LY6H: variants seen among roughly 807,000 people sequenced by gnomAD.
The protein encoded by LY6H is lymphocyte antigen 6H.
LY6H carries 8 observed loss-of-function variants against 14.6 expected under a neutral mutation model. The ratio of observed to expected loss-of-function variants is 0.55; its 90% CI spans 0.32 to 0.99. The LOEUF (loss-of-function observed/expected upper bound fraction) is 0.99, where lower values mean the gene tolerates loss of function less well. LY6H is among the 50% of genes least tolerant of loss of function. The probability of loss-of-function intolerance (pLI) is 0.04; values close to 1 mark genes in which losing one functional copy is unlikely to be tolerated. For synonymous variants in LY6H, 115 were observed against 97.2 expected (o/e 1.18, Z -1.08); for missense variants, 196 against 219.6 (o/e 0.89, Z 0.68).
At chr8:143,159,160 GCACA>G (rs375977892) in intron 2 of LY6H, 8 of 606,432 alleles carry the variant, frequency 1.3e-5, no homozygotes, top group South Asian at 5.7e-5. Context: ...GCACGTGCGT[GCACA>G]CACACACACA....
chr8:143,159,585 G>A lies in LY6H; in HGVS notation c.127C>T (p.Pro43Ser). The change falls in exon 2 of 4, where the codon CCC (proline) becomes TCC (serine). Residue 43 changes from proline to serine, a missense_variant. By Grantham distance (74) the Pro-to-Ser change is moderately conservative. Coordinates refer to ENST00000342752, the MANE Select transcript of LY6H (RefSeq NM_001135655.2). ...AGCCCGCGGGCCCCCTACTCACCGGGCGCCGAGCACAGCAGGACGGCCAGC... is the reference window on the plus strand; with the variant it reads ...AGCCCGCGGGCCCCCTACTCACCGGACGCCGAGCACAGCAGGACGGCCAGC... ...ALLAVLLCSA[P>S]AHGLWCQDCT... 6.7e-7 allele frequency: 1 copy of A among 1,501,442 alleles called. No individual in the cohort carries two copies. Among genetic ancestry groups the A allele is most frequent in the Non-Finnish European group, 8.8e-7 (1 of 1,133,136 alleles). 93.0% of individuals were successfully genotyped at this position (1,501,442 alleles called of 1,614,324 possible). A position where few individuals can be genotyped will look rare whatever the true frequency, so the allele number is the denominator to read the frequency against.
At chr8:143,159,072 G>C (rs944479194) in intron 2 of LY6H, 150 bp from the exon 3 acceptor site, 1 of 1,104,096 alleles carries the variant, frequency 9.1e-7, no homozygotes, top group African/African-American at 1.5e-5. Context: ...CCCTGGAGGG[G>C]GAGCAGAGGC....
rs774658932 is a variant in LY6H, at chr8:143,158,428, C to T, written c.308G>A (p.Arg103Gln). Residue 103 changes from arginine to glutamine, a missense_variant, in exon 4 of 4, where the codon CGA (arginine) becomes CAA (glutamine). Coordinates refer to ENST00000342752, the MANE Select transcript of LY6H (RefSeq NM_001135655.2). ...CATCAGATAGTCTGAGAAAAAGTGT[C>T]GCTTAACGAAGTCACAGGAGGAGGC... is the stretch of plus-strand genomic sequence containing the variant. Reference protein sequence around the residue: ...MCASSCDFVKRHFFSDYLMGF... With the variant: ...MCASSCDFVKQHFFSDYLMGF... The T allele has an allele frequency of 3.7e-6, 6 of 1,614,028 alleles. No homozygotes were observed. Among genetic ancestry groups the T allele is most frequent in the Non-Finnish European group, 5.1e-6 (6 of 1,179,996 alleles).
chr8:143,158,698 C>T (rs552297678), intron 3 of LY6H, 105 bp downstream of exon 3: 19 of 1,438,732 alleles, frequency 1.3e-5, no homozygotes, highest in East Asian at 4.6e-5. Flanking sequence ...TGCCGCCCCA[C>T]GCTCTCACTC....
chr8:143,159,462 C>A lies in LY6H; in HGVS notation c.130+120G>T. 6 of 1,196,598 alleles carry A rather than the reference C, an allele frequency of 5.0e-6. No individual in the cohort carries two copies. In the South Asian group the frequency reaches 1.0e-4, roughly 21 times the overall value. The allele number at this position is 1,196,598 out of a possible 1,614,324, so 74.1% of individuals were successfully genotyped here. A position where few individuals can be genotyped will look rare whatever the true frequency, so the allele number is the denominator to read the frequency against. On this transcript the variant is annotated intron_variant, in intron 2 of 3. Coordinates refer to ENST00000342752, the MANE Select transcript of LY6H (RefSeq NM_001135655.2). ...GGGGTCGCAGGGGTCCCGGAGGGGG[C>A]GTGGGCTCTATGCGAAGTGCGGTGG...
upstream of LY6H, chr8:143,160,358 G>T (rs1815570857): frequency 2.5e-6 from 1 of 392,914 alleles, no homozygotes; most frequent in Non-Finnish European, 3.9e-6. Context: ...GAGCCGGGGC[G>T]GGGGCCGCGC....
intron 1 of LY6H, chr8:143,159,997 A>G: frequency 1.6e-6 from 2 of 1,227,286 alleles, no homozygotes; most frequent in South Asian, 8.2e-5. Context: ...GTGCGTCCGG[A>G]CAGGAATGAG....
intron 3 of LY6H, 64 bp from the exon 4 acceptor site, chr8:143,158,549 G>A (rs908404160): frequency 3.6e-5 from 53 of 1,452,544 alleles, no homozygotes; most frequent in Admixed American, 2.8e-4. Flanking sequence ...CTCATCCCGA[G>A]GACCCAGCCC....
At chr8:143,160,040 TGGGG>T in intron 1 of LY6H, 154 bp downstream of exon 1, 1 of 1,025,688 alleles carries the variant, frequency 9.7e-7, no homozygotes, top group Non-Finnish European at 1.2e-6. Context: ...GACCTGCCAC[TGGGG>T]GGAGGGGCGC....
chr8:143,159,939 T>G (rs1172190482), intron 1 of LY6H: 3 of 1,232,390 alleles, frequency 2.4e-6, no homozygotes, highest in Non-Finnish European at 1.0e-6. Context: ...CCGGCACCTG[T>G]GTGGGGGAGC....
In LY6H at chr8:143,157,958, T is replaced by C. The variant is rs1414226689; in HGVS notation, c.*292A>G. 4 of 436,584 alleles carry C rather than the reference T, an allele frequency of 9.2e-6. No homozygotes were observed. Among genetic ancestry groups the C allele is most frequent in the African/African-American group, 8.1e-5 (4 of 49,348 alleles). 27.0% of individuals were successfully genotyped at this position (436,584 alleles called of 1,614,324 possible). A position where few individuals can be genotyped will look rare whatever the true frequency, so the allele number is the denominator to read the frequency against. On this transcript the variant is annotated 3_prime_UTR_variant, in exon 4 of 4. Transcript: ENST00000342752. ...CTTTATTTCTCCGCAGAAGACGCCC[T>C]TCCAGCTGGGCTGTTGCTTCACTTC...
Position 143,157,990 on chromosome 8 carries a change from G to A in LY6H, c.*260C>T, listed in dbSNP as rs868091255. 5.8e-5 allele frequency: 27 copies of A among 462,550 alleles called. No homozygotes were observed. Among genetic ancestry groups the A allele is most frequent in the African/African-American group, 3.4e-4 (17 of 50,016 alleles). 28.7% of individuals were successfully genotyped at this position (462,550 alleles called of 1,614,324 possible). A position where few individuals can be genotyped will look rare whatever the true frequency, so the allele number is the denominator to read the frequency against. On this transcript the variant is annotated 3_prime_UTR_variant, in exon 4 of 4. Transcript: ENST00000342752. ...TGGGCTGTTGCTTCACTTCCCCTCC[G>A]GGACCTGGGGGTCCCCCCCCACCCT...
intron 2 of LY6H, 137 bp downstream of exon 2, chr8:143,159,445 A>C: frequency 9.7e-7 from 1 of 1,028,464 alleles, no homozygotes; most frequent in Non-Finnish European, 1.3e-6. Flanking sequence ...CTGGGGTCGC[A>C]GGGGTCCCGG....
At chr8:143,159,517 CGGCTCTCCCGCGGCGCCTCG>C in intron 2 of LY6H, 45 bp downstream of exon 2, 1 of 1,428,152 alleles carries the variant, frequency 7.0e-7, no homozygotes, top group Non-Finnish European at 9.1e-7. Context: ...GCCCCACACC[CGGCTCTCCCGCGGCGCCTCG>C]GGCTCTCCCA....
rs1815487620 is a variant in LY6H at position 143,157,980 on chromosome 8, C to T, written c.*270G>A. 1 of 466,440 alleles carries T rather than the reference C, an allele frequency of 2.1e-6. No homozygotes were observed. The highest frequency in any genetic ancestry group is 3.8e-5 in the Admixed American group (1 of 26,174). The allele number at this position is 466,440 out of a possible 1,614,324, so 28.9% of individuals were successfully genotyped here. On this transcript the variant is annotated 3_prime_UTR_variant, in exon 4 of 4. Coordinates refer to ENST00000342752, the MANE Select transcript of LY6H (RefSeq NM_001135655.2). ...CCCTTCCAGCTGGGCTGTTGCTTCA[C>T]TTCCCCTCCGGGACCTGGGGGTCCC...
intron 2 of LY6H, 91 bp downstream of exon 2, chr8:143,159,490 AC>A (rs1815539808): frequency 2.9e-6 from 4 of 1,360,128 alleles, no homozygotes; most frequent in Non-Finnish European, 3.8e-6. Flanking sequence ...TGCGGTGGGA[AC>A]CGTCAGAGGG....
At position 143,158,273 on chromosome 8, in the gene LY6H, C is replaced by A; in HGVS notation, c.463G>T (p.Ala155Ser). Reference protein sequence around the residue: ...AGGLLLSLGPALLWAGP With the variant: ...AGGLLLSLGPSLLWAGP ...CATCAGGGCCCAGCCCAGAGGAGGG[C>A]AGGCCCCAGGCTGAGCAGGAGCCCC... is the stretch of plus-strand genomic sequence containing the variant. Residue 155 changes from alanine (A) to serine (S), a missense_variant, in exon 4 of 4, where the codon GCC becomes TCC. Physicochemically the swap from Ala to Ser is moderately conservative, Grantham distance 99. Coordinates refer to ENST00000342752, the MANE Select transcript of LY6H (RefSeq NM_001135655.2). The A allele has an allele frequency of 1.2e-6, 2 of 1,612,526 alleles. No homozygotes were observed. Among genetic ancestry groups the A allele is most frequent in the Non-Finnish European group, 1.7e-6 (2 of 1,179,168 alleles).
intron 2 of LY6H, chr8:143,159,247 C>T (rs1000515074): frequency 5.4e-6 from 3 of 558,684 alleles, no homozygotes; most frequent in Non-Finnish European, 9.6e-6. Flanking sequence ...CTCACATATC[C>T]CCCCCAGAGG....
At chr8:143,160,331 G>GCCCCT, upstream of LY6H, 2 of 692,524 alleles carry the variant, frequency 2.9e-6, no homozygotes, top group Non-Finnish European at 4.0e-6. Context: ...CGCGGACCCC[G>GCCCCT]CGCGAGGGGC....
Sources: gnomAD v4.1 joint callset for allele counts on GRCh38, gnomAD v4.1.1 for gene constraint, MANE v1.5 for transcripts, NCBI Gene and HGNC (gene_info 2026-07-23, HGNC 2026-07-21) for gene names.